The following CSMD2 variants were observed in gnomAD, a reference collection of about 807,000 sequenced individuals.
CSMD2 encodes the protein CUB and Sushi multiple domains 2.
In CSMD2, 130 loss-of-function variants were observed where a neutral mutation model predicts 398.5. That is an observed-to-expected ratio of 0.33 (90% CI 0.28 to 0.38). The LOEUF is 0.38. Ranked by LOEUF, CSMD2 falls within the 10% of genes least tolerant of loss-of-function variation. The probability of loss-of-function intolerance (pLI) is 1.00; values close to 1 mark genes in which losing one functional copy is unlikely to be tolerated. For missense variants in CSMD2, 3,829 were observed against 4,764.9 expected (o/e 0.80, Z 5.78); for synonymous variants, 1,828 against 1,908.5 (o/e 0.96, Z 1.10).
chr1:33,702,435 T>TACTTGC (rs1374343309), intron 22 of CSMD2, among the ~76,000 whole-genome samples: 1 of 152,320 alleles, frequency 6.6e-6, no homozygotes, highest in East Asian at 1.9e-4. Flanking sequence ...ACAAAAATGT[T>TACTTGC]ACTTGCATCA....
At chr1:33,546,241 A>G (rs1656881341) in intron 56 of CSMD2, 22 bp from the exon 57 acceptor site, 1 of 1,593,250 alleles carries the variant, frequency 6.3e-7, no homozygotes. Context: ...AACCACACAA[A>G]TCCCATTATT....
intron 2 of CSMD2, among the ~76,000 whole-genome samples, chr1:34,081,921 C>T (rs1571043421): frequency 2.0e-5 from 3 of 151,962 alleles, no homozygotes. Context: ...TGAGGAGCGT[C>T]TCTTCCCGGC....
chr1:33,794,866 A>T (rs556671435), intron 10 of CSMD2, among the ~76,000 whole-genome samples: 1 of 144,392 alleles, frequency 6.9e-6, no homozygotes, highest in Non-Finnish European at 1.5e-5. Flanking sequence ...GTGAGGTAGG[A>T]TGTGGGCCTG....
At chr1:33,865,879 A>C (rs564337550) in intron 5 of CSMD2, among the ~76,000 whole-genome samples, 1 of 152,316 alleles carries the variant, frequency 6.6e-6, no homozygotes, top group African/African-American at 2.4e-5. Flanking sequence ...TAGATTTTTC[A>C]GGCAAGAATA....
intron 2 of CSMD2, among the ~76,000 whole-genome samples, chr1:34,062,400 T>C (rs1654614804): frequency 6.6e-6 from 1 of 152,250 alleles, no homozygotes; most frequent in Non-Finnish European, 1.5e-5. Context: ...GAGTAGCTTA[T>C]ACCTTCTGAC....
chr1:33,928,684 A>C (rs188389996), intron 4 of CSMD2, among the ~76,000 whole-genome samples: 149 of 152,306 alleles, frequency 9.8e-4, no homozygotes, highest in Admixed American at 2.2e-3. Flanking sequence ...CAGTAATTGC[A>C]AAAGTGATGG....
At chr1:33,841,312 C>T (rs1660826241) in intron 6 of CSMD2, among the ~76,000 whole-genome samples, 1 of 152,186 alleles carries the variant, frequency 6.6e-6, no homozygotes, top group Non-Finnish European at 1.5e-5. Context: ...AGGGTTTCAC[C>T]ATTTAACAAG....
chr1:33,552,156 C>G lies in CSMD2; in HGVS notation c.8744-1806G>C, dbSNP rs147553711. 2.0e-5 allele frequency among the ~76,000 whole-genome samples: 3 copies of G among 152,318 alleles called. No homozygotes were observed. In the East Asian group the frequency reaches 5.8e-4, roughly 29 times the overall value. ...TACACAGTAAACACATAAAAATATG[C>G]TTAACACGATTCGTCATTAGAGAAA... is the stretch of plus-strand genomic sequence containing the variant. On this transcript the variant is annotated intron_variant, in intron 55 of 70. Coordinates refer to ENST00000373381, the MANE Select transcript of CSMD2 (RefSeq NM_001281956.2).
chr1:34,016,489 T>C (rs1648136595), intron 3 of CSMD2, among the ~76,000 whole-genome samples: 1 of 152,162 alleles, frequency 6.6e-6, no homozygotes, highest in Admixed American at 6.5e-5. Flanking sequence ...GAACTCATTC[T>C]TTTTCACGGC....
chr1:33,568,804 T>G (rs1463476196), intron 52 of CSMD2, among the ~76,000 whole-genome samples: 1 of 152,112 alleles, frequency 6.6e-6, no homozygotes, highest in East Asian at 1.9e-4. Flanking sequence ...CAATCTATCC[T>G]ATTAGGTTTA....
intron 1 of CSMD2, among the ~76,000 whole-genome samples, chr1:34,093,857 T>C (rs1045024267): frequency 4.6e-5 from 7 of 152,056 alleles, no homozygotes; most frequent in Non-Finnish European, 8.8e-5. Context: ...CCGGAGAATT[T>C]CCCCAATCTA....
In CSMD2 at chr1:33,617,672, G is replaced by A. The variant is rs985864374; in HGVS notation, c.5828-55C>T. The stretch of plus-strand genomic sequence containing the variant: ...GAATGGACTAGCCCAGCAGGTCAAC[G>A]TGGCGGTAGGCTGGGGTGAGATGCT... On this transcript the variant is annotated intron_variant, in intron 37 of 70. Coordinates refer to ENST00000373381, the MANE Select transcript of CSMD2 (RefSeq NM_001281956.2). 4.2e-5 allele frequency: 57 copies of A among 1,373,100 alleles called. 1 individual carries two copies. Among genetic ancestry groups the A allele is most frequent in the Admixed American group, 3.9e-4 (23 of 59,634 alleles). 85.1% of individuals were successfully genotyped at this position (1,373,100 alleles called of 1,614,324 possible).
chr1:33,945,412 A>C (rs1402687921), intron 3 of CSMD2, among the ~76,000 whole-genome samples: 1 of 152,194 alleles, frequency 6.6e-6, no homozygotes, highest in African/African-American at 2.4e-5. Context: ...TCTGCGTCAA[A>C]GACTTCAACC....
intron 3 of CSMD2, among the ~76,000 whole-genome samples, chr1:33,986,377 C>T (rs1646360414): frequency 1.3e-5 from 2 of 152,162 alleles, no homozygotes; most frequent in Admixed American, 1.3e-4. Flanking sequence ...TAACACGTAA[C>T]ATCCTTGGCA....
chr1:33,573,422 A>T (rs1259400337), intron 49 of CSMD2, among the ~76,000 whole-genome samples: 1 of 152,128 alleles, frequency 6.6e-6, no homozygotes, highest in Non-Finnish European at 1.5e-5. Flanking sequence ...CAGAAGATAC[A>T]CAATCTTTAA....
intron 44 of CSMD2, among the ~76,000 whole-genome samples, chr1:33,588,733 G>A (rs1256235726): frequency 6.6e-6 from 1 of 152,116 alleles, no homozygotes; most frequent in Non-Finnish European, 1.5e-5. Context: ...CATCCAGTGC[G>A]CCATGAAATC....
intron 1 of CSMD2, among the ~76,000 whole-genome samples, chr1:34,151,275 T>G (rs888286149): frequency 6.6e-6 from 1 of 152,172 alleles, no homozygotes; most frequent in African/African-American, 2.4e-5. Context: ...CCAGGGCCAC[T>G]GCACTAGGTA....
intron 26 of CSMD2, among the ~76,000 whole-genome samples, chr1:33,658,430 T>C (rs1644021111): frequency 1.3e-5 from 2 of 152,234 alleles, no homozygotes; most frequent in Admixed American, 1.3e-4. Flanking sequence ...TGCTATGAGT[T>C]AAGCATGATT....
chr1:33,950,585 G>T (rs1644978585), intron 3 of CSMD2, among the ~76,000 whole-genome samples: 1 of 152,158 alleles, frequency 6.6e-6, no homozygotes, highest in South Asian at 2.1e-4. Flanking sequence ...TTGAGGATGG[G>T]CATTGAGGGA....
Sources: allele counts gnomAD v4.1 joint callset (sites outside exome capture counted in the v4.1 genomes callset), GRCh38; gene constraint gnomAD v4.1.1; transcripts MANE v1.5; gene names NCBI Gene and HGNC (gene_info 2026-07-23, HGNC 2026-07-21).